TMEM132B: variants seen among roughly 807,000 people sequenced by gnomAD.
TMEM132B encodes the protein transmembrane protein 132B.
Under a neutral mutation model 90.8 loss-of-function variants are expected in TMEM132B, and 18 were observed. The observed-to-expected ratio is 0.20, with a 90% CI of 0.14 to 0.29. The LOEUF is 0.29. Among genes scored for constraint, TMEM132B ranks in the 10% least tolerant of loss-of-function variants. The probability of loss-of-function intolerance (pLI) is 1.00; values close to 1 mark genes in which losing one functional copy is unlikely to be tolerated. For missense variants in TMEM132B, 1,096 were observed against 1,326.8 expected, an observed-to-expected ratio of 0.83 and a Z score of 2.70; for synonymous variants, 504 against 523.3, an observed-to-expected ratio of 0.96 and a Z score of 0.50.
intron 1 of TMEM132B, among the ~76,000 whole-genome samples, chr12:125,200,435 A>G (rs563720807): frequency 3.9e-5 from 6 of 152,082 alleles, no homozygotes; most frequent in Non-Finnish European, 7.4e-5. Context: ...ATTCATCTCC[A>G]TCTTCCAGGT....
chr12:125,603,889 C>T (rs1370469441), intron 5 of TMEM132B, among the ~76,000 whole-genome samples: 2 of 152,168 alleles, frequency 1.3e-5, no homozygotes, highest in Non-Finnish European at 2.9e-5. Context: ...ATCAAAACCA[C>T]AATGAGATAC....
intron 1 of TMEM132B, among the ~76,000 whole-genome samples, chr12:125,233,355 TCCATCCTCATGGTCA>T (rs1269857495): frequency 6.6e-6 from 1 of 152,210 alleles, no homozygotes; most frequent in East Asian, 1.9e-4. Context: ...GCTTGTGACT[TCCATCCTCATGGTCA>T]CCTCATGGTT....
intron 4 of TMEM132B, among the ~76,000 whole-genome samples, chr12:125,540,017 T>C (rs1044616284): frequency 1.3e-5 from 2 of 152,206 alleles, no homozygotes; most frequent in Non-Finnish European, 2.9e-5. Context: ...TGTATTTTCA[T>C]TTTTCATTCA....
chr12:125,621,332 A>G (rs1886106091), intron 5 of TMEM132B, among the ~76,000 whole-genome samples: 1 of 152,144 alleles, frequency 6.6e-6, no homozygotes, highest in Non-Finnish European at 1.5e-5. Flanking sequence ...ACAGAGAAGA[A>G]CATAAGAGCA....
chr12:125,406,198 TCTC>T lies in TMEM132B; in HGVS notation c.960-9329_960-9327del, dbSNP rs1879471704. ...ACTGTCCAAACAGGAATCTTCTTTA[TCTC>T]CTCTGGCTAAAGCAGAATGCAAAAC... On this transcript the variant is annotated intron_variant, in intron 2 of 8. Transcript: ENST00000682704. The surrounding 1 kb of genome is among the most constrained non-coding windows in gnomAD (Gnocchi z 8.3). Among the ~76,000 whole-genome samples the T allele has an allele frequency of 6.6e-6, 1 of 152,214 alleles. No individual in the cohort carries two copies. The highest frequency in any genetic ancestry group is 2.1e-4 in the South Asian group (1 of 4,830).
At chr12:125,533,738 T>A (rs1883715032) in intron 4 of TMEM132B, among the ~76,000 whole-genome samples, 1 of 152,192 alleles carries the variant, frequency 6.6e-6, no homozygotes, top group African/African-American at 2.4e-5. Flanking sequence ...GGCCCTGCGA[T>A]TTCCAGGGAT....
At chr12:125,253,175 C>A (rs889501646) in intron 1 of TMEM132B, among the ~76,000 whole-genome samples, 13 of 152,200 alleles carry the variant, frequency 8.5e-5, no homozygotes, top group East Asian at 5.8e-4. Flanking sequence ...CAGAATTAAA[C>A]CCTCTCATCT....
intron 2 of TMEM132B, among the ~76,000 whole-genome samples, chr12:125,405,889 A>T (rs548376812): frequency 6.6e-6 from 1 of 152,316 alleles, no homozygotes; most frequent in South Asian, 2.1e-4. Flanking sequence ...AATATTCCTG[A>T]GTGGCGCTAG....
chr12:125,573,371 A>G (rs1344678201), intron 4 of TMEM132B, among the ~76,000 whole-genome samples: 2 of 151,900 alleles, frequency 1.3e-5, no homozygotes, highest in East Asian at 1.9e-4. Flanking sequence ...TTTAAACTCA[A>G]TTTTCTAGCA....
At chr12:125,333,352 G>T (rs1048603746) in intron 1 of TMEM132B, among the ~76,000 whole-genome samples, 2 of 152,180 alleles carry the variant, frequency 1.3e-5, no homozygotes, top group Non-Finnish European at 2.9e-5. Context: ...CTATTTCCAA[G>T]TAAGGTGACA....
intron 3 of TMEM132B, among the ~76,000 whole-genome samples, chr12:125,488,330 A>G (rs1286586342): frequency 1.3e-5 from 2 of 152,192 alleles, no homozygotes; most frequent in Admixed American, 6.5e-5. Flanking sequence ...TCACCCTAAA[A>G]TGAAGTTTTC....
intron 3 of TMEM132B, among the ~76,000 whole-genome samples, chr12:125,452,218 G>A (rs1344838452): frequency 6.6e-6 from 1 of 152,118 alleles, no homozygotes; most frequent in East Asian, 1.9e-4. Flanking sequence ...TCTGCTGTAA[G>A]TCATATTTAT....
chr12:125,485,043 A>G (rs901356043), intron 3 of TMEM132B, among the ~76,000 whole-genome samples: 24 of 152,338 alleles, frequency 1.6e-4, no homozygotes, highest in African/African-American at 5.3e-4. Flanking sequence ...GAAAGTCAGG[A>G]TAATGGCTCT....
At chr12:125,194,131 A>G (rs1380563739) in intron 1 of TMEM132B, among the ~76,000 whole-genome samples, 1 of 152,170 alleles carries the variant, frequency 6.6e-6, no homozygotes, top group Non-Finnish European at 1.5e-5. Flanking sequence ...CTCTTAACTG[A>G]TCAATACCCT....
At chr12:125,392,666 G>A (rs1205713320) in intron 2 of TMEM132B, among the ~76,000 whole-genome samples, 1 of 152,188 alleles carries the variant, frequency 6.6e-6, no homozygotes, top group Non-Finnish European at 1.5e-5. Context: ...GAAAACCCAC[G>A]TGGCTGAGGC....
intron 1 of TMEM132B, among the ~76,000 whole-genome samples, chr12:125,208,050 T>A (rs564917945): frequency 5.1e-4 from 77 of 152,362 alleles, no homozygotes; most frequent in African/African-American, 1.9e-3. Flanking sequence ...TCTAGGTATT[T>A]GAATTTGCAT....
Position 125,464,982 on chromosome 12 carries a change from C to G in TMEM132B, c.1106+49305C>G, listed in dbSNP as rs1401664191. On this transcript the variant is annotated intron_variant, in intron 3 of 8. Transcript: ENST00000682704. ...TTTATTGGCAATACTCTGCAGTGCC[C>G]TTTGGTCTGAAATGATTTTCCAATT... Among the ~76,000 whole-genome samples, 5 of 152,186 alleles carry G rather than the reference C, an allele frequency of 3.3e-5. 1 individual carries two copies. The East Asian group carries it at 9.6e-4, about 29-fold the overall frequency.
chr12:125,250,013 T>C (rs1195446910), intron 1 of TMEM132B, among the ~76,000 whole-genome samples: 2 of 152,352 alleles, frequency 1.3e-5, no homozygotes, highest in East Asian at 3.9e-4. Flanking sequence ...TGCAGGGCGT[T>C]TTATTGGGAG....
intron 5 of TMEM132B, chr12:125,586,910 C>T (rs377704835): frequency 1.3e-4 from 20 of 152,226 alleles, no homozygotes; most frequent in African/African-American, 4.3e-4. Flanking sequence ...CAGAGCGAAT[C>T]GTCTATCCAT....
Sources: gnomAD v4.1 joint callset for allele counts (sites outside exome capture counted in the v4.1 genomes callset) on GRCh38, gnomAD v4.1.1 for gene constraint, Gnocchi (gnomAD v3.1) non-coding constraint, MANE v1.5 for transcripts, NCBI Gene and HGNC (gene_info 2026-07-23, HGNC 2026-07-21) for gene names.